Variants in PATJ observed in about 807,000 individuals in gnomAD.
PATJ encodes the protein PATJ crumbs cell polarity complex component.
In PATJ, 190 loss-of-function variants were observed where a neutral mutation model predicts 224.9. The observed-to-expected ratio is 0.84, with a 90% CI of 0.75 to 0.95. The LOEUF is 0.95. Ranked by LOEUF, PATJ falls within the 40% of genes least tolerant of loss-of-function variation. The pLI is 0.00. For missense variants in PATJ, 2,121 were observed against 2,270.3 expected (o/e 0.93, Z 1.34); for synonymous variants, 769 against 820.3 (o/e 0.94, Z 1.07).
chr1:62,159,549 C>T (rs916565900), intron 43 of PATJ, among the ~76,000 whole-genome samples: 24 of 128,922 alleles, frequency 1.9e-4, no homozygotes, highest in East Asian at 4.9e-4. Flanking sequence ...GACCTGATTT[C>T]GAATACTTTT....
intron 27 of PATJ, among the ~76,000 whole-genome samples, chr1:61,941,557 A>C (rs1557911728): frequency 1.3e-5 from 2 of 152,156 alleles, no homozygotes; most frequent in Admixed American, 1.3e-4. Context: ...AGGCTGAAGC[A>C]CGAGAATTGC....
intron 33 of PATJ, among the ~76,000 whole-genome samples, chr1:62,104,552 C>T (rs115556672): frequency 1.1e-4 from 16 of 152,100 alleles, no homozygotes; most frequent in African/African-American, 3.4e-4. Flanking sequence ...CCTTTTTTTC[C>T]CCTAAATACA....
intron 30 of PATJ, chr1:62,038,526 G>A (rs1650865701): frequency 6.2e-6 from 1 of 160,060 alleles, no homozygotes; most frequent in African/African-American, 2.4e-5. Context: ...GTCCCCAGCT[G>A]AGGGGATATT....
chr1:61,878,049 T>C (rs776770468), intron 21 of PATJ, among the ~76,000 whole-genome samples: 10 of 152,206 alleles, frequency 6.6e-5, no homozygotes, highest in Non-Finnish European at 1.2e-4. Flanking sequence ...AGGGCACAGG[T>C]AGCCTTTGTG....
At chr1:61,743,517 T>G (rs1248296025) in intron 1 of PATJ, among the ~76,000 whole-genome samples, 1 of 152,188 alleles carries the variant, frequency 6.6e-6, no homozygotes, top group Non-Finnish European at 1.5e-5. Flanking sequence ...AAGTGTTTCT[T>G]AAAGGAAGGC....
intron 18 of PATJ, among the ~76,000 whole-genome samples, chr1:61,857,733 G>C (rs1372291317): frequency 1.3e-5 from 2 of 152,172 alleles, no homozygotes; most frequent in African/African-American, 4.8e-5. Context: ...TAGTAATTCT[G>C]ATATGCTCTT....
Position 62,161,838 on chromosome 1 carries a change from C to A in PATJ, c.*784C>A, listed in dbSNP as rs965105107. ...GATTTACTTATGCTAATTGTCTCTT[C>A]AAGTAAGCAAGAAAACATTAGCAGT... On this transcript the variant is annotated 3_prime_UTR_variant, in exon 44 of 44. Coordinates refer to ENST00000642238, the MANE Select transcript of PATJ (RefSeq NM_001350145.3). The A allele has an allele frequency of 6.6e-6, 1 of 152,184 alleles. No homozygotes were observed. The highest frequency in any genetic ancestry group is 2.4e-5 in the African/African-American group (1 of 41,432). The allele number at this position is 152,184 out of a possible 1,614,324, so 9.4% of individuals were successfully genotyped here.
chr1:62,118,057 C>T (rs928185381), intron 37 of PATJ, among the ~76,000 whole-genome samples: 4 of 152,136 alleles, frequency 2.6e-5, no homozygotes, highest in Non-Finnish European at 5.9e-5. Flanking sequence ...TATTAGCTGC[C>T]TCCTGTTCCT....
At chr1:62,058,784 G>A (rs1156291233) in intron 31 of PATJ, among the ~76,000 whole-genome samples, 1 of 152,156 alleles carries the variant, frequency 6.6e-6, no homozygotes, top group Non-Finnish European at 1.5e-5. Flanking sequence ...CGAGCTCTAG[G>A]CATGTGAAGA....
chr1:62,024,657 AACACACAC>A (rs10605703), intron 29 of PATJ, among the ~76,000 whole-genome samples: 13,362 of 107,272 alleles, frequency 0.12, 1,090 homozygotes, highest in East Asian at 0.29. Flanking sequence ...CCCACCTCCC[AACACACAC>A]ACACACACAC....
intron 27 of PATJ, among the ~76,000 whole-genome samples, chr1:61,970,814 T>C (rs1239773327): frequency 1.3e-5 from 2 of 152,188 alleles, no homozygotes; most frequent in Non-Finnish European, 2.9e-5. Context: ...TAACTTTTAA[T>C]CCAGAAATTT....
chr1:61,909,171 G>GGTTTCACCTT (rs1347672448), intron 25 of PATJ, among the ~76,000 whole-genome samples: 1 of 152,048 alleles, frequency 6.6e-6, no homozygotes, highest in East Asian at 1.9e-4. Flanking sequence ...GTAGAGACGA[G>GGTTTCACCTT]GTTTCACCTT....
At chr1:62,160,766 C>T in intron 43 of PATJ, 142 bp from the exon 44 acceptor site, 1 of 707,760 alleles carries the variant, frequency 1.4e-6, no homozygotes. Context: ...TAATTTAAAA[C>T]ATTACCTAGA....
At chr1:61,761,868 T>C (rs1454737522) in intron 1 of PATJ, among the ~76,000 whole-genome samples, 1 of 152,026 alleles carries the variant, frequency 6.6e-6, no homozygotes, top group Non-Finnish European at 1.5e-5. Context: ...GAATTTTTTT[T>C]GTAGAGATGG....
chr1:62,051,011 G>T lies in PATJ; in HGVS notation c.4078G>T (p.Val1360Phe). 1.2e-6 allele frequency: 2 copies of T among 1,613,628 alleles called. No individual in the cohort carries two copies. Among genetic ancestry groups the T allele is most frequent in the African/African-American group, 1.3e-5 (1 of 74,954 alleles). ...TATTAGTAGTGAGGAAGATGGCAGC[G>T]TCGAAGTTGGTATTAAACAATTGCC... is the stretch of plus-strand genomic sequence containing the variant. Reference protein sequence around the residue: ...EPISSEEDGSVEVGIKQLPES... With the variant: ...EPISSEEDGSFEVGIKQLPES... Residue 1360 changes from valine (V) to phenylalanine (F), a missense_variant, in exon 31 of 44, where the codon GTC (valine) becomes TTC (phenylalanine). By Grantham distance (50) the Val-to-Phe change is conservative (BLOSUM62 -1). Transcript: ENST00000642238.
chr1:61,774,279 A>C (rs1238936477), intron 6 of PATJ, among the ~76,000 whole-genome samples: 2 of 152,070 alleles, frequency 1.3e-5, no homozygotes, highest in Non-Finnish European at 2.9e-5. Context: ...ACAGAGTGAG[A>C]CCCTGTCTCA....
intron 27 of PATJ, among the ~76,000 whole-genome samples, chr1:61,954,741 T>C (rs1307425828): frequency 6.8e-6 from 1 of 146,848 alleles, no homozygotes; most frequent in African/African-American, 2.5e-5. Context: ...ATTTATGATA[T>C]GCCAAACTCT....
intron 5 of PATJ, 86 bp downstream of exon 5, chr1:61,769,508 A>G: frequency 7.1e-7 from 1 of 1,401,378 alleles, no homozygotes; most frequent in Non-Finnish European, 9.8e-7. Context: ...ACTAGTAATA[A>G]AAACAGTAAC....
At chr1:61,991,563 A>T in intron 28 of PATJ, 1 of 985,372 alleles carries the variant, frequency 1.0e-6, no homozygotes, top group Non-Finnish European at 1.2e-6. Flanking sequence ...GCCAGGTGCA[A>T]CAGGAAGACC....
Sources: gnomAD v4.1 joint callset for allele counts (sites outside exome capture counted in the v4.1 genomes callset) on GRCh38, gnomAD v4.1.1 for gene constraint, MANE v1.5 for transcripts, NCBI Gene and HGNC (gene_info 2026-07-23, HGNC 2026-07-21) for gene names.